The following AUTS2 variants were observed in gnomAD, a reference collection of about 807,000 sequenced individuals.
AUTS2 encodes autism susceptibility gene 2 protein.
AUTS2 carries 17 observed loss-of-function variants against 112.4 expected under a neutral mutation model. That is an observed-to-expected ratio of 0.15 (90% CI 0.10 to 0.23). AUTS2 has a LOEUF of 0.23. AUTS2 is among the 10% of genes least tolerant of loss of function. The pLI is 1.00. For synonymous variants in AUTS2, 751 were observed against 702.7 expected (o/e 1.07, Z -1.09); for missense variants, 1,510 against 1,701.6 (o/e 0.89, Z 1.98).
At chr7:70,027,463 C>G (rs1315757524) in intron 2 of AUTS2, among the ~76,000 whole-genome samples, 1 of 152,154 alleles carries the variant, frequency 6.6e-6, no homozygotes, top group African/African-American at 2.4e-5. Flanking sequence ...CATCCAGCCC[C>G]TATGTCATTG....
At chr7:69,807,207 A>G (rs1790347509) in intron 1 of AUTS2, among the ~76,000 whole-genome samples, 1 of 152,174 alleles carries the variant, frequency 6.6e-6, no homozygotes, top group East Asian at 1.9e-4. Context: ...ATATCATGCC[A>G]AATTGGAAAC....
chr7:70,481,468 A>T (rs956191310), intron 5 of AUTS2, among the ~76,000 whole-genome samples: 5 of 152,206 alleles, frequency 3.3e-5, no homozygotes, highest in Non-Finnish European at 7.3e-5. Context: ...AAGCCAGTGC[A>T]GCAGTCAAGG....
intron 4 of AUTS2, among the ~76,000 whole-genome samples, chr7:70,163,355 G>T (rs1219087510): frequency 3.5e-5 from 3 of 84,724 alleles, no homozygotes; most frequent in South Asian, 5.9e-4. Context: ...GGGGGGGGGG[G>T]GGGCAGAGGG....
At chr7:70,787,794 G>A (rs1791611524) in intron 18 of AUTS2, among the ~76,000 whole-genome samples, 1 of 152,198 alleles carries the variant, frequency 6.6e-6, no homozygotes, top group Non-Finnish European at 1.5e-5. Context: ...TCAAGTCCGT[G>A]CAGTCCATTT....
intron 4 of AUTS2, among the ~76,000 whole-genome samples, chr7:70,361,587 G>A (rs1328454120): frequency 6.6e-6 from 1 of 152,070 alleles, no homozygotes; most frequent in Non-Finnish European, 1.5e-5. Context: ...ACGCTTCCTA[G>A]AAGAATCTGC....
chr7:70,509,267 G>C (rs1044184002), intron 5 of AUTS2, among the ~76,000 whole-genome samples: 1 of 152,204 alleles, frequency 6.6e-6, no homozygotes, highest in Non-Finnish European at 1.5e-5. Flanking sequence ...TGGAGCTTCT[G>C]CTATGGTGGG....
At chr7:70,738,304 G>C (rs1787888018) in intron 6 of AUTS2, among the ~76,000 whole-genome samples, 1 of 152,038 alleles carries the variant, frequency 6.6e-6, no homozygotes, top group South Asian at 2.1e-4. Flanking sequence ...CAATTGGCCA[G>C]AGAAATGGGC....
At chr7:70,089,742 C>T (rs933245550) in intron 2 of AUTS2, among the ~76,000 whole-genome samples, 2 of 152,114 alleles carry the variant, frequency 1.3e-5, no homozygotes, top group African/African-American at 4.8e-5. Context: ...GGAGCAGTGT[C>T]TCACGCCTGT....
In AUTS2 at chr7:69,963,253, ATC is replaced by A. The variant is rs144360358; in HGVS notation, c.522+63759_522+63760del. On this transcript the variant is annotated intron_variant, in intron 2 of 18. Transcript: ENST00000342771. The stretch of plus-strand genomic sequence containing the variant: ...AAGAGCCCACTTGATAGTTTGTTAT[ATC>A]TCTGTGTGTGTTTTTATGAACTTTT... Among the ~76,000 whole-genome samples, 390 of 152,286 alleles carry A rather than the reference ATC, an allele frequency of 2.6e-3. 1 individual carries two copies. Among genetic ancestry groups the A allele is most frequent in the South Asian group, 0.011 (55 of 4,822 alleles).
chr7:70,591,382 G>GCCTTTGTT (rs1554437261), intron 5 of AUTS2, among the ~76,000 whole-genome samples: 17 of 116,282 alleles, frequency 1.5e-4, no homozygotes, highest in Admixed American at 4.1e-4. Flanking sequence ...GGTTTACCCA[G>GCCTTTGTT]TCTTTGTTTG....
At chr7:70,461,305 T>G (rs544279960) in intron 5 of AUTS2, among the ~76,000 whole-genome samples, 1 of 152,320 alleles carries the variant, frequency 6.6e-6, no homozygotes, top group East Asian at 1.9e-4. Context: ...TTCGAACTGC[T>G]GCAGAAATTC....
intron 1 of AUTS2, among the ~76,000 whole-genome samples, chr7:69,841,943 A>T (rs1312508981): frequency 1.3e-5 from 2 of 152,310 alleles, no homozygotes; most frequent in African/African-American, 4.8e-5. Flanking sequence ...TCACTTTCAC[A>T]TGGTTCCATG....
At chr7:70,475,131 C>T (rs1391826902) in intron 5 of AUTS2, among the ~76,000 whole-genome samples, 2 of 152,208 alleles carry the variant, frequency 1.3e-5, no homozygotes, top group African/African-American at 4.8e-5. Context: ...GGAGGGCCTC[C>T]TGTCTACACT....
At chr7:69,927,528 T>C (rs2129543573) in intron 2 of AUTS2, among the ~76,000 whole-genome samples, 1 of 152,306 alleles carries the variant, frequency 6.6e-6, no homozygotes, top group Non-Finnish European at 1.5e-5. Context: ...TGGCCAGCGT[T>C]GCCTCTGCTT....
intron 1 of AUTS2, among the ~76,000 whole-genome samples, chr7:69,680,731 A>C (rs1413293075): frequency 6.6e-6 from 1 of 151,954 alleles, no homozygotes; most frequent in Non-Finnish European, 1.5e-5. Context: ...GTGCAGTGGT[A>C]TGGTTTCGGC....
chr7:69,631,802 C>T (rs1794256203), intron 1 of AUTS2, among the ~76,000 whole-genome samples: 1 of 152,184 alleles, frequency 6.6e-6, no homozygotes, highest in African/African-American at 2.4e-5. Context: ...TAAGAAAGAA[C>T]ATCTTTAACT....
intron 1 of AUTS2, among the ~76,000 whole-genome samples, chr7:69,615,071 A>G (rs1167654681): frequency 6.6e-6 from 1 of 152,232 alleles, no homozygotes; most frequent in Non-Finnish European, 1.5e-5. Flanking sequence ...GTAAAATACA[A>G]GTTCTATATT....
At chr7:70,352,182 A>G (rs1251941832) in intron 4 of AUTS2, among the ~76,000 whole-genome samples, 5 of 152,186 alleles carry the variant, frequency 3.3e-5, no homozygotes, top group Middle Eastern at 3.2e-3. Flanking sequence ...AAATGTCACA[A>G]TTAGTAAGTC....
chr7:69,824,101 C>G (rs1791127003), intron 1 of AUTS2, among the ~76,000 whole-genome samples: 2 of 151,856 alleles, frequency 1.3e-5, no homozygotes, highest in African/African-American at 2.4e-5. Flanking sequence ...GATGTAAGTA[C>G]TCAAATTATA....
Sources: allele counts gnomAD v4.1 joint callset (sites outside exome capture counted in the v4.1 genomes callset), GRCh38; gene constraint gnomAD v4.1.1; transcripts MANE v1.5; gene names NCBI Gene and HGNC (gene_info 2026-07-23, HGNC 2026-07-21).